The following ACOT8 variants were observed in gnomAD, a reference collection of about 807,000 sequenced individuals.
ACOT8 encodes the protein acyl-coenzyme A thioesterase 8.
ACOT8 carries 31 observed loss-of-function variants against 38.4 expected under a neutral mutation model. That is an observed-to-expected ratio of 0.81 (90% confidence interval 0.61 to 1.09). The LOEUF is 1.09. Ranked by LOEUF, ACOT8 falls within the 50% of genes least tolerant of loss-of-function variation. The pLI, the probability that ACOT8 is intolerant of heterozygous loss-of-function variation, is 0.00. For missense variants in ACOT8, 373 were observed against 421.8 expected (o/e 0.88, Z 1.01); for synonymous variants, 158 against 170.3 (o/e 0.93, Z 0.56).
intron 1 of ACOT8, among the ~76,000 whole-genome samples, 179 bp downstream of exon 1, chr20:45,857,009 G>A (rs1985495838): frequency 6.6e-6 from 1 of 152,204 alleles, no homozygotes; most frequent in Non-Finnish European, 1.5e-5. Flanking sequence ...CGGAGAGGAA[G>A]GGAGGAAGCC....
intron 2 of ACOT8, 75 bp downstream of exon 2, chr20:45,855,084 T>C: frequency 1.4e-5 from 22 of 1,579,102 alleles, no homozygotes; most frequent in Non-Finnish European, 1.9e-5. Context: ...TCTTCCCTTT[T>C]GACCTCAGCC....
At chr20:45,851,921 T>C (rs1985087612) in intron 2 of ACOT8, among the ~76,000 whole-genome samples, 1 of 152,232 alleles carries the variant, frequency 6.6e-6, no homozygotes, top group Non-Finnish European at 1.5e-5. Context: ...ATTTGATAAA[T>C]GGCCAAGGAC....
chr20:45,843,777 A>C, intron 4 of ACOT8, 56 bp from the exon 5 acceptor site: 1 of 1,591,076 alleles, frequency 6.3e-7, no homozygotes, highest in African/African-American at 1.3e-5. Flanking sequence ...CAGGACCTGC[A>C]CGGAGGTAGG....
At position 45,843,733 on chromosome 20, in the gene ACOT8, C is replaced by T. The variant is rs1984450429; in HGVS notation, c.647-12G>A. ...CATGTCGCCCTCGCCTGCAACAGGTCCCCATCAGCCCTGGGCTCCTGGGCT... is the reference window on the plus strand; with the variant it reads ...CATGTCGCCCTCGCCTGCAACAGGTTCCCATCAGCCCTGGGCTCCTGGGCT... On this transcript the variant is annotated splice_polypyrimidine_tract_variant and intron_variant, in intron 4 of 5. Transcript: ENST00000217455. 6.2e-7 allele frequency: 1 copy of T among 1,604,704 alleles called. No homozygotes were observed. Among genetic ancestry groups the T allele is most frequent in the Admixed American group, 1.7e-5 (1 of 59,786 alleles).
intron 2 of ACOT8, among the ~76,000 whole-genome samples, chr20:45,853,247 G>C (rs1985179920): frequency 6.6e-6 from 1 of 152,182 alleles, no homozygotes; most frequent in Non-Finnish European, 1.5e-5. Context: ...AAAGAGTTTG[G>C]CACTCAAAGA....
chr20:45,851,382 A>C (rs932421208), intron 2 of ACOT8, among the ~76,000 whole-genome samples: 3 of 152,254 alleles, frequency 2.0e-5, no homozygotes, highest in East Asian at 1.9e-4. Flanking sequence ...ACAAAAAAAA[A>C]CCTCTAATCC....
At chr20:45,854,020 GTTTT>G (rs34682341) in intron 2 of ACOT8, 2 of 1,249,990 alleles carry the variant, frequency 1.6e-6, no homozygotes, top group Admixed American at 2.7e-5. Flanking sequence ...AACAGTGAGG[GTTTT>G]TTTTGTTTGT....
intron 5 of ACOT8, 78 bp from the exon 6 acceptor site, chr20:45,842,034 G>T: frequency 6.4e-7 from 1 of 1,563,264 alleles, no homozygotes. Flanking sequence ...CTGAAACAGA[G>T]TCTCACTAAG....
At chr20:45,856,691 G>GAA (rs1326399088) in intron 1 of ACOT8, among the ~76,000 whole-genome samples, 1 of 152,138 alleles carries the variant, frequency 6.6e-6, no homozygotes, top group Non-Finnish European at 1.5e-5. Flanking sequence ...AAGAAAGAAA[G>GAA]AAACCCTTGC....
chr20:45,842,403 C>A, intron 5 of ACOT8: 1 of 1,208,914 alleles, frequency 8.3e-7, no homozygotes, highest in Non-Finnish European at 1.0e-6. Flanking sequence ...TGCTGTACCT[C>A]TGACCACTTG....
rs900143189 is a variant in ACOT8, at chr20:45,855,164, C to G, written c.257G>C (p.Arg86Pro). ...GCAGGAAGTGGGGGGTTTACCTGCC[C>G]GAACAAAGTAGCAGTGCAGGGAGTG... ...HVHSLHCYFV[R>P]AGDPKLPVLY... is the part of the protein sequence containing the mutation. Residue 86 changes from arginine (R) to proline (P), a missense_variant, in exon 2 of 6, where the codon CGG (arginine) becomes CCG (proline). Arg to Pro is a moderately radical substitution (Grantham distance 103). Transcript: ENST00000217455. 2 of 1,613,812 alleles carry G rather than the reference C, an allele frequency of 1.2e-6. No individual in the cohort carries two copies. The highest frequency in any genetic ancestry group is 1.7e-6 in the Non-Finnish European group (2 of 1,179,850).
Position 45,841,994 on chromosome 20 carries a change from G to A in ACOT8, c.842-38C>T, listed in dbSNP as rs573374133. On this transcript the variant is annotated intron_variant, in intron 5 of 5. Transcript: ENST00000217455. ...TGAAGGGTGATGATGGCCTGCTTCAGAACAGCCAAATACACTTTTTTTTTT... is the reference window on the plus strand; with the variant it reads ...TGAAGGGTGATGATGGCCTGCTTCAAAACAGCCAAATACACTTTTTTTTTT... 8.8e-5 allele frequency: 141 copies of A among 1,609,128 alleles called. 3 individuals carry two copies. In the South Asian group the frequency reaches 1.4e-3, roughly 16 times the overall value.
intron 2 of ACOT8, among the ~76,000 whole-genome samples, chr20:45,854,606 T>A (rs1389087228): frequency 2.0e-5 from 3 of 152,122 alleles, no homozygotes; most frequent in Non-Finnish European, 4.4e-5. Context: ...CCTTCTCCAT[T>A]TTACAGCTGA....
intron 1 of ACOT8, among the ~76,000 whole-genome samples, chr20:45,856,611 C>A (rs1985457326): frequency 6.6e-6 from 1 of 151,460 alleles, no homozygotes; most frequent in South Asian, 2.1e-4. Context: ...ACCCGGGAGG[C>A]GGAGGTTGCA....
intron 1 of ACOT8, among the ~76,000 whole-genome samples, chr20:45,856,040 G>A (rs1385685651): frequency 6.6e-6 from 1 of 152,186 alleles, no homozygotes; most frequent in African/African-American, 2.4e-5. Flanking sequence ...GAGGTGGGAG[G>A]ATCGCCTGAG....
intron 2 of ACOT8, chr20:45,849,000 G>T (rs990521113): frequency 1.1e-5 from 3 of 266,710 alleles, no homozygotes; most frequent in Non-Finnish European, 2.1e-5. Context: ...GGATCATCAT[G>T]GTGCTCATCG....
At chr20:45,850,410 G>T (rs1156741045) in intron 2 of ACOT8, among the ~76,000 whole-genome samples, 1 of 152,240 alleles carries the variant, frequency 6.6e-6, no homozygotes, top group Non-Finnish European at 1.5e-5. Context: ...TATTTGGCTT[G>T]CTGGACTGGT....
chr20:45,844,224 T>G (rs1018899970), intron 4 of ACOT8, 39 bp downstream of exon 4: 4 of 1,613,268 alleles, frequency 2.5e-6, no homozygotes, highest in Admixed American at 1.7e-5. Context: ...GGTAGACCCC[T>G]TGGAGAGTGG....
intron 2 of ACOT8, among the ~76,000 whole-genome samples, chr20:45,854,897 C>A (rs1401061735): frequency 2.0e-5 from 3 of 152,194 alleles, no homozygotes; most frequent in Non-Finnish European, 4.4e-5. Context: ...CAAAAGCCCA[C>A]AAGGAGCAGT....
Sources: allele counts gnomAD v4.1 joint callset (sites outside exome capture counted in the v4.1 genomes callset), GRCh38; gene constraint gnomAD v4.1.1; transcripts MANE v1.5; gene names NCBI Gene and HGNC (gene_info 2026-07-23, HGNC 2026-07-21).